ENDOU: variants seen among roughly 807,000 people sequenced by gnomAD.
ENDOU encodes the protein uridylate-specific endoribonuclease.
A neutral mutation model predicts 54.2 loss-of-function variants in ENDOU; 49 were observed. The ratio of observed to expected loss-of-function variants is 0.90; its 90% CI spans 0.72 to 1.15. The LOEUF is 1.15. Ranked by LOEUF, ENDOU falls within the 50% of genes most tolerant of loss-of-function variation. The pLI is 0.00. For synonymous variants in ENDOU, 172 were observed against 190.5 expected (o/e 0.90, Z 0.80); for missense variants, 458 against 511.4 (o/e 0.90, Z 1.01).
Position 47,717,522 on chromosome 12 carries a change from G to A in ENDOU, c.378C>T (p.Asp126=), listed in dbSNP as rs144827405. ...CCKDFESLCS[D]HEVSHSSDAI... is the part of the protein sequence containing the mutation. Reference sequence around the variant, plus strand: ...CTAAGGGAGCAGAAGACTAACCGTGGTCACTACACAGGCTCTCAAAATCCT... The same window carrying A: ...CTAAGGGAGCAGAAGACTAACCGTGATCACTACACAGGCTCTCAAAATCCT... The change falls in exon 4 of 10, where the codon GAC becomes GAT. Residue 126 remains aspartate (D), a synonymous_variant. Transcript: ENST00000422538. 3.1e-6 allele frequency: 5 copies of A among 1,613,898 alleles called. No individual in the cohort carries two copies. In the African/African-American group the frequency reaches 6.7e-5, roughly 22 times the overall value.
In ENDOU at chr12:47,717,673, G is replaced by T. The variant is rs745888830; in HGVS notation, c.245-18C>A. On this transcript the variant is annotated intron_variant, in intron 3 of 9. Coordinates refer to ENST00000422538, the MANE Select transcript of ENDOU (RefSeq NM_001172439.2). Reference sequence around the variant, plus strand: ...GTACAAGTCTGAGAAGAGAGGGGTGGTGTGTCCCGGGCTGACCTCTAGAGG... The same window carrying T: ...GTACAAGTCTGAGAAGAGAGGGGTGTTGTGTCCCGGGCTGACCTCTAGAGG... 2 of 1,613,228 alleles carry T rather than the reference G, an allele frequency of 1.2e-6. No individual in the cohort carries two copies. Among genetic ancestry groups the T allele is most frequent in the Non-Finnish European group, 1.7e-6 (2 of 1,179,744 alleles).
intron 6 of ENDOU, among the ~76,000 whole-genome samples, chr12:47,714,100 T>C (rs1940141138): frequency 6.6e-6 from 1 of 152,226 alleles, no homozygotes; most frequent in Non-Finnish European, 1.5e-5. Flanking sequence ...TGCCTGCCAT[T>C]TTAAGTGCTT....
At chr12:47,712,768 C>T in intron 7 of ENDOU, 146 bp from the exon 8 acceptor site, 1 of 640,636 alleles carries the variant, frequency 1.6e-6, no homozygotes, top group South Asian at 1.9e-5. Context: ...TCCCCAGAGT[C>T]TCTCACAGTC....
intron 1 of ENDOU, among the ~76,000 whole-genome samples, chr12:47,723,707 G>T (rs1940504181): frequency 6.6e-6 from 1 of 152,088 alleles, no homozygotes; most frequent in African/African-American, 2.4e-5. Flanking sequence ...CTGTACACTG[G>T]TGCTCAGCCC....
chr12:47,719,199 G>A (rs1156821541), intron 2 of ENDOU: 3 of 151,974 alleles, frequency 2.0e-5, no homozygotes, highest in Non-Finnish European at 4.4e-5. Flanking sequence ...TGGCTACTAC[G>A]CTGGGTATTG....
intron 8 of ENDOU, 139 bp downstream of exon 8, chr12:47,712,377 G>T: frequency 1.5e-6 from 1 of 647,102 alleles, no homozygotes; most frequent in Non-Finnish European, 2.7e-6. Context: ...TGGCTGTCTA[G>T]CAGGTGAGGA....
At chr12:47,723,113 C>A (rs1940484884) in intron 1 of ENDOU, among the ~76,000 whole-genome samples, 1 of 152,208 alleles carries the variant, frequency 6.6e-6, no homozygotes, top group Non-Finnish European at 1.5e-5. Flanking sequence ...CAGCTGGCAC[C>A]AGTTGAGAAG....
intron 9 of ENDOU, 92 bp downstream of exon 9, chr12:47,711,541 T>C (rs1940000923): frequency 2.8e-6 from 4 of 1,413,972 alleles, no homozygotes; most frequent in East Asian, 2.4e-5. Context: ...CTCAGCCTCT[T>C]TGTGGCAGAG....
At position 47,725,419 on chromosome 12, in the gene ENDOU, C is replaced by G. The variant is rs758201454; in HGVS notation, c.-6G>C. On this transcript the variant is annotated 5_prime_UTR_variant, in exon 1 of 10. Coordinates refer to ENST00000422538, the MANE Select transcript of ENDOU (RefSeq NM_001172439.2). ...AGGGAGATGCAGGCCCTCATGGTGC[C>G]CAGTTGGAGGCCAAAAAGGGAGTGG... 3.1e-6 allele frequency: 5 copies of G among 1,614,056 alleles called. No individual in the cohort carries two copies. In the East Asian group the frequency reaches 1.1e-4, roughly 36 times the overall value.
At position 47,713,114 on chromosome 12, in the gene ENDOU, C is replaced by A. The variant is rs564407858; in HGVS notation, c.865+161G>T. ...TTTCTCAGAATGGCTCCTCAGACAC[C>A]CCCCCGCCCCCCTGCCATATGGGCA... On this transcript the variant is annotated intron_variant, in intron 7 of 9. Transcript: ENST00000422538. Among the ~76,000 whole-genome samples the A allele has an allele frequency of 1.0e-4, 15 of 142,936 alleles. No individual in the cohort carries two copies. In the South Asian group the frequency reaches 2.9e-3, roughly 28 times the overall value. 93.8% of individuals were successfully genotyped at this position (142,936 alleles called of 152,430 possible).
chr12:47,717,167 A>T lies in ENDOU; in HGVS notation c.383-109T>A, dbSNP rs1940277194. The stretch of plus-strand genomic sequence containing the variant: ...GGGCACCTTCAAGAAGCCAGCAAGG[A>T]GGGAGGGGGGCCACAGTTGGACACC... On this transcript the variant is annotated intron_variant, in intron 4 of 9. Transcript: ENST00000422538. 3 of 857,600 alleles carry T rather than the reference A, an allele frequency of 3.5e-6. No individual in the cohort carries two copies. The South Asian group carries it at 4.6e-5, about 13-fold the overall frequency. 53.1% of individuals were successfully genotyped at this position (857,600 alleles called of 1,614,324 possible). A position where few individuals can be genotyped will look rare whatever the true frequency, so the allele number is the denominator to read the frequency against.
At chr12:47,720,613 C>T (rs1940399464) in intron 2 of ENDOU, 140 bp downstream of exon 2, 3 of 855,956 alleles carry the variant, frequency 3.5e-6, no homozygotes, top group East Asian at 3.2e-5. Context: ...AATTCCTGAC[C>T]CTGCCTCTGT....
Position 47,712,514 on chromosome 12 carries a change from A to G in ENDOU, c.972+2T>C. On this transcript the variant is annotated splice_donor_variant, in intron 8 of 9. Coordinates refer to ENST00000422538, the MANE Select transcript of ENDOU (RefSeq NM_001172439.2). LOFTEE classifies it high-confidence loss of function. The stretch of plus-strand genomic sequence containing the variant: ...CAAGGCTTTTCTAGTCCGTGTACTC[A>G]CAGGCCCATCGTAGATGTGACTGTA... 1 of 1,608,132 alleles carries G rather than the reference A, an allele frequency of 6.2e-7. No homozygotes were observed. The highest frequency in any genetic ancestry group is 8.5e-7 in the Non-Finnish European group (1 of 1,174,616).
intron 2 of ENDOU, 86 bp from the exon 3 acceptor site, chr12:47,718,280 A>G (rs1940327944): frequency 7.8e-7 from 1 of 1,280,556 alleles, no homozygotes; most frequent in Non-Finnish European, 1.1e-6. Flanking sequence ...CCCCAGCCTC[A>G]GGGGACAAGC....
chr12:47,716,228 T>G (rs538236885), intron 6 of ENDOU, 72 bp downstream of exon 6: 12 of 1,499,672 alleles, frequency 8.0e-6, no homozygotes, highest in Non-Finnish European at 1.1e-5. Context: ...CCTCCTAACC[T>G]TCCCCTCCCC....
chr12:47,718,813 G>A (rs1940344299), intron 2 of ENDOU, among the ~76,000 whole-genome samples: 3 of 152,012 alleles, frequency 2.0e-5, no homozygotes, highest in South Asian at 2.1e-4. Context: ...GTGATGCAGG[G>A]GGGAGAAATG....
chr12:47,721,936 C>T (rs1482462524), intron 1 of ENDOU, among the ~76,000 whole-genome samples: 3 of 152,172 alleles, frequency 2.0e-5, no homozygotes, highest in Non-Finnish European at 4.4e-5. Flanking sequence ...AGTGAGGAAA[C>T]TGAAACCTAA....
At chr12:47,722,907 T>C (rs1289556620) in intron 1 of ENDOU, among the ~76,000 whole-genome samples, 1 of 152,192 alleles carries the variant, frequency 6.6e-6, no homozygotes, top group Admixed American at 6.5e-5. Context: ...CAGGAACTCC[T>C]CTTGAATGTT....
intron 6 of ENDOU, among the ~76,000 whole-genome samples, chr12:47,715,007 T>A (rs1363161534): frequency 6.6e-6 from 1 of 152,196 alleles, no homozygotes; most frequent in Non-Finnish European, 1.5e-5. Context: ...GTGCCAGGCT[T>A]TCTACTGGGT....
Sources: allele counts gnomAD v4.1 joint callset (sites outside exome capture counted in the v4.1 genomes callset), GRCh38; gene constraint gnomAD v4.1.1; transcripts MANE v1.5; gene names NCBI Gene and HGNC (gene_info 2026-07-23, HGNC 2026-07-21).